The following CLEC7A variants were observed in gnomAD, a reference collection of about 807,000 sequenced individuals.
CLEC7A encodes the protein C-type lectin domain family 7 member A.
A neutral mutation model predicts 26.9 loss-of-function variants in CLEC7A; 25 were observed. The observed-to-expected ratio is 0.93, with a 90% confidence interval of 0.68 to 1.30. CLEC7A has a LOEUF of 1.30. Ranked by LOEUF, CLEC7A falls within the 50% of genes most tolerant of loss-of-function variation. The pLI is 0.00. For synonymous variants in CLEC7A, 100 were observed against 99.5 expected, an observed-to-expected ratio of 1.01 and a Z score of -0.03; for missense variants, 275 against 286.7, an observed-to-expected ratio of 0.96 and a Z score of 0.29.
Position 10,127,121 on chromosome 12 carries a change from G to C in CLEC7A, c.203-413C>G, listed in dbSNP as rs1327734493. On this transcript the variant is annotated intron_variant, in intron 2 of 5. Coordinates refer to ENST00000304084, the MANE Select transcript of CLEC7A (RefSeq NM_197947.3). ...CATAGAACGCACTCAATAAACATTT[G>C]ACTAATTAAGGAATGTCATGAAGAC... 2.5e-6 allele frequency: 3 copies of C among 1,197,094 alleles called. 1 individual carries two copies. The South Asian group carries it at 4.1e-5, about 16-fold the overall frequency. The allele number at this position is 1,197,094 out of a possible 1,614,324, so 74.2% of individuals were successfully genotyped here.
chr12:10,123,126 C>T (rs542456524), intron 5 of CLEC7A, 119 bp downstream of exon 5: 3 of 644,776 alleles, frequency 4.7e-6, no homozygotes, highest in South Asian at 3.8e-5. Flanking sequence ...ATCTTTCTCC[C>T]TCTCTTTCTC....
In CLEC7A at chr12:10,118,457, C is replaced by G; in HGVS notation, c.*1G>C. The G allele has an allele frequency of 6.2e-7, 1 of 1,608,388 alleles. No individual in the cohort carries two copies. The highest frequency in any genetic ancestry group is 8.5e-7 in the Non-Finnish European group (1 of 1,175,156). ...TTCTCTCTCCTTCTCCACCCTTCCT[C>G]TTACATTGAAAACTTCTTCTCACAA... On this transcript the variant is annotated 3_prime_UTR_variant, in exon 6 of 6. Transcript: ENST00000304084.
intron 1 of CLEC7A, among the ~76,000 whole-genome samples, chr12:10,129,056 T>C (rs183301229): frequency 1.3e-5 from 2 of 152,376 alleles, no homozygotes; most frequent in Admixed American, 1.3e-4. Context: ...GTAGGCTAAA[T>C]CACCCATTCT....
In CLEC7A at chr12:10,129,960, T is replaced by G. The variant is rs1948434608; in HGVS notation, c.103+20A>C. 1.4e-6 allele frequency: 2 copies of G among 1,419,234 alleles called. No individual in the cohort carries two copies. Among genetic ancestry groups the G allele is most frequent in the Non-Finnish European group, 2.0e-6 (2 of 1,003,896 alleles). The allele number at this position is 1,419,234 out of a possible 1,614,324, so 87.9% of individuals were successfully genotyped here. A position where few individuals can be genotyped will look rare whatever the true frequency, so the allele number is the denominator to read the frequency against. Reference sequence around the variant, plus strand: ...AAACGGGAGAGCTAAAGGCACACATTAGAAAAAACATATATATACCTTTCT... The same window carrying G: ...AAACGGGAGAGCTAAAGGCACACATGAGAAAAAACATATATATACCTTTCT... On this transcript the variant is annotated intron_variant, in intron 1 of 5. Coordinates refer to ENST00000304084, the MANE Select transcript of CLEC7A (RefSeq NM_197947.3).
Position 10,117,661 on chromosome 12 carries a change from G to A in CLEC7A, c.*797C>T, listed in dbSNP as rs1474748201. The A allele has an allele frequency of 2.0e-5, 3 of 151,840 alleles. No homozygotes were observed. Among genetic ancestry groups the A allele is most frequent in the Non-Finnish European group, 4.4e-5 (3 of 67,988 alleles). 9.4% of individuals were successfully genotyped at this position (151,840 alleles called of 1,614,324 possible). On this transcript the variant is annotated 3_prime_UTR_variant, in exon 6 of 6. Coordinates refer to ENST00000304084, the MANE Select transcript of CLEC7A (RefSeq NM_197947.3). ...TGATAATCATAATTATGATCATACT[G>A]ATGAAAATAATAAAATTGCTCTGAC...
In CLEC7A at chr12:10,123,382, A is replaced by G. The variant is rs764846626; in HGVS notation, c.493-19T>C. 1 of 1,279,040 alleles carries G rather than the reference A, an allele frequency of 7.8e-7. No individual in the cohort carries two copies. Among genetic ancestry groups the G allele is most frequent in the South Asian group, 1.2e-5 (1 of 84,066 alleles). 79.2% of individuals were successfully genotyped at this position (1,279,040 alleles called of 1,614,324 possible). A position where few individuals can be genotyped will look rare whatever the true frequency, so the allele number is the denominator to read the frequency against. On this transcript the variant is annotated intron_variant, in intron 4 of 5. Coordinates refer to ENST00000304084, the MANE Select transcript of CLEC7A (RefSeq NM_197947.3). ...TAAATCCCTGTAATGAAACATATACAAATATATAATAAAGAGAGAGAGAGA... is the reference window on the plus strand; with the variant it reads ...TAAATCCCTGTAATGAAACATATACGAATATATAATAAAGAGAGAGAGAGA...
chr12:10,125,058 G>C, intron 4 of CLEC7A: 3 of 526,704 alleles, frequency 5.7e-6, no homozygotes, highest in Non-Finnish European at 1.0e-5. Context: ...AACATTAGAC[G>C]AGTGTGGTGG....
chr12:10,127,451 G>A, intron 2 of CLEC7A: 1 of 1,613,604 alleles, frequency 6.2e-7, no homozygotes, highest in South Asian at 1.1e-5. Context: ...AGCTATGTAA[G>A]GGAGGTAGGA....
At chr12:10,120,524 A>C (rs900349756) in intron 5 of CLEC7A, among the ~76,000 whole-genome samples, 3 of 152,054 alleles carry the variant, frequency 2.0e-5, no homozygotes, top group African/African-American at 4.8e-5. Flanking sequence ...AATCATAAAT[A>C]TGTGGGCAAA....
At chr12:10,123,399 A>G (rs1591950029) in intron 4 of CLEC7A, 36 bp from the exon 5 acceptor site, 2 of 1,113,564 alleles carry the variant, frequency 1.8e-6, no homozygotes, top group Non-Finnish European at 2.7e-6. Context: ...TAATAAAGAG[A>G]GAGAGAGAGA....
intron 4 of CLEC7A, among the ~76,000 whole-genome samples, chr12:10,123,912 A>G (rs1168669750): frequency 6.6e-6 from 1 of 152,216 alleles, no homozygotes; most frequent in Non-Finnish European, 1.5e-5. Flanking sequence ...TAGATTTGTA[A>G]TGTGAGGACT....
chr12:10,127,740 TACTC>T lies in CLEC7A; in HGVS notation c.202+3_202+6del. On this transcript the variant is annotated splice_donor_5th_base_variant and intron_variant, in intron 2 of 5. Transcript: ENST00000304084. The stretch of plus-strand genomic sequence containing the variant: ...TCTGTTGTTAATCTCCTCCACCAAA[TACTC>T]ACCCATGGTACCCAGGACCACAGCT... The T allele has an allele frequency of 6.4e-7, 1 of 1,557,562 alleles. No individual in the cohort carries two copies. The highest frequency in any genetic ancestry group is 1.2e-5 in the South Asian group (1 of 86,382).
At chr12:10,127,606 C>G (rs1469381161) in intron 2 of CLEC7A, 141 bp downstream of exon 2, 1 of 917,748 alleles carries the variant, frequency 1.1e-6, no homozygotes, top group South Asian at 1.4e-5. Flanking sequence ...TGGGCATTAA[C>G]AGCACCAACC....
intron 1 of CLEC7A, among the ~76,000 whole-genome samples, chr12:10,129,550 T>C (rs1159364100): frequency 6.6e-6 from 1 of 152,216 alleles, no homozygotes; most frequent in Admixed American, 6.5e-5. Flanking sequence ...TTTAAAAGTA[T>C]ATCCATAAAA....
At chr12:10,129,248 A>G (rs7311598) in intron 1 of CLEC7A, among the ~76,000 whole-genome samples, 20,566 of 152,206 alleles carry the variant, frequency 0.14, 1,677 homozygotes, top group Non-Finnish European at 0.18. Flanking sequence ...TACCACAAAA[A>G]AAAAATGTTG....
chr12:10,119,127 T>C (rs1947999487), intron 5 of CLEC7A, among the ~76,000 whole-genome samples: 1 of 152,216 alleles, frequency 6.6e-6, no homozygotes, highest in Non-Finnish European at 1.5e-5. Context: ...TTGACAGTTA[T>C]GGAAATCAAC....
Position 10,126,559 on chromosome 12 carries a change from C to CTATG in CLEC7A, c.340+8_340+11dup. 6.3e-7 allele frequency: 1 copy of CTATG among 1,599,784 alleles called. No individual in the cohort carries two copies. Among genetic ancestry groups the CTATG allele is most frequent in the Non-Finnish European group, 8.5e-7 (1 of 1,173,770 alleles). ...CTTGAGTCAAGATTCCGTCCTTTAA[C>CTATG]TATGCCCTTGCCTGTGGTTTTGACA... is the stretch of plus-strand genomic sequence containing the variant. On this transcript the variant is annotated intron_variant, in intron 3 of 5. Transcript: ENST00000304084.
chr12:10,126,216 A>G (rs1948279107), intron 3 of CLEC7A: 3 of 982,994 alleles, frequency 3.1e-6, no homozygotes, highest in Non-Finnish European at 3.6e-6. Flanking sequence ...TTCTAACTGT[A>G]TCGCATTTAA....
chr12:10,129,080 T>C (rs1240922478), intron 1 of CLEC7A, among the ~76,000 whole-genome samples: 1 of 152,190 alleles, frequency 6.6e-6, no homozygotes, highest in Non-Finnish European at 1.5e-5. Context: ...AATACAGAGA[T>C]CCTCCAATGC....
Sources: allele counts gnomAD v4.1 joint callset (sites outside exome capture counted in the v4.1 genomes callset), GRCh38; gene constraint gnomAD v4.1.1; transcripts MANE v1.5; gene names NCBI Gene and HGNC (gene_info 2026-07-23, HGNC 2026-07-21).